Variants in XKR3 observed in about 807,000 individuals in gnomAD.
The protein encoded by XKR3 is XK-related protein 3.
Under a neutral mutation model 40.3 loss-of-function variants are expected in XKR3, and 27 were observed. That is an observed-to-expected ratio of 0.67 (90% CI 0.49 to 0.92). The LOEUF (loss-of-function observed/expected upper bound fraction) is 0.92. Ranked by LOEUF, XKR3 falls within the 40% of genes least tolerant of loss-of-function variation. The pLI, the probability that XKR3 is intolerant of heterozygous loss-of-function variation, is 0.00. For missense variants in XKR3, 472 were observed against 537.6 expected (o/e 0.88, Z 1.21); for synonymous variants, 193 against 195.4 (o/e 0.99, Z 0.10).
At chr22:16,809,191 T>C (rs1374980067) in intron 1 of XKR3, among the ~76,000 whole-genome samples, 1 of 152,178 alleles carries the variant, frequency 6.6e-6, no homozygotes, top group East Asian at 1.9e-4. Context: ...CTGCAGAATA[T>C]TAAATTCCTC....
In XKR3 at chr22:16,801,166, G is replaced by T. The variant is rs2146159780; in HGVS notation, c.336-1142C>A. ...ATTTTTAAAATAATGACTAGAAAAA[G>T]AGTTTCAAATTGTTACAATCATGAA... is the stretch of plus-strand genomic sequence containing the variant. On this transcript the variant is annotated intron_variant, in intron 2 of 3. Coordinates refer to ENST00000684488, the MANE Select transcript of XKR3 (RefSeq NM_001386955.1). 2.0e-5 allele frequency among the ~76,000 whole-genome samples: 3 copies of T among 152,208 alleles called. No homozygotes were observed. In the East Asian group the frequency reaches 5.8e-4, roughly 29 times the overall value.
rs575718125 is a variant in XKR3, at chr22:16,817,876, C to T, written c.-11+7415G>A. Among the ~76,000 whole-genome samples the T allele has an allele frequency of 3.3e-5, 5 of 152,190 alleles. No homozygotes were observed. The South Asian group carries it at 1.0e-3, about 32-fold the overall frequency. The stretch of plus-strand genomic sequence containing the variant: ...TTGATTTCAATTGAATTATTTGTTA[C>T]TTAACAAATAAAACCTATGAAAAGC... On this transcript the variant is annotated intron_variant, in intron 1 of 3. Coordinates refer to ENST00000684488, the MANE Select transcript of XKR3 (RefSeq NM_001386955.1).
chr22:16,811,709 A>G (rs73386011), intron 1 of XKR3, among the ~76,000 whole-genome samples: 9,633 of 152,136 alleles, frequency 0.063, 892 homozygotes, highest in African/African-American at 0.21. Context: ...CTTTCTTATT[A>G]AAAAAATGAT....
chr22:16,789,963 A>G (rs2060107096), intron 3 of XKR3, among the ~76,000 whole-genome samples: 1 of 152,226 alleles, frequency 6.6e-6, no homozygotes, highest in Non-Finnish European at 1.5e-5. Context: ...CTTACTACAT[A>G]CAAAAAATAA....
intron 3 of XKR3, among the ~76,000 whole-genome samples, chr22:16,797,006 G>A (rs1375539775): frequency 1.3e-5 from 2 of 152,076 alleles, no homozygotes; most frequent in African/African-American, 4.8e-5. Flanking sequence ...GGGAACCCAG[G>A]TATAAAGCCA....
In XKR3 at chr22:16,783,796, G is replaced by A. The variant is rs1433362470; in HGVS notation, c.1203C>T (p.Tyr401=). Residue 401 remains tyrosine, a synonymous_variant, in exon 4 of 4, where the codon TAC becomes TAT. Coordinates refer to ENST00000684488, the MANE Select transcript of XKR3 (RefSeq NM_001386955.1). ...GFMLLFYQYL[Y]PWQSGKVLPG... ...GCAACACTTTGCCTGACTGCCATGGGTACAAATACTGATAGAAGAGGAGCA... is the reference window on the plus strand; with the variant it reads ...GCAACACTTTGCCTGACTGCCATGGATACAAATACTGATAGAAGAGGAGCA... The A allele has an allele frequency of 6.2e-7, 1 of 1,614,130 alleles. No individual in the cohort carries two copies. Among genetic ancestry groups the A allele is most frequent in the East Asian group, 2.2e-5 (1 of 44,868 alleles).
Position 16,784,425 on chromosome 22 carries a change from A to G in XKR3, c.590-16T>C, listed in dbSNP as rs1308233738. ...ATCAGCAATGCTATTAAAGACAAAC[A>G]TGAAAATGTTAGAGAATATTTTTCA... On this transcript the variant is annotated splice_polypyrimidine_tract_variant and intron_variant, in intron 3 of 3. Transcript: ENST00000684488. The G allele has an allele frequency of 5.8e-6, 9 of 1,556,822 alleles. No homozygotes were observed. In the African/African-American group the frequency reaches 1.2e-4, roughly 21 times the overall value.
chr22:16,790,684 A>G (rs1210711425), intron 3 of XKR3, among the ~76,000 whole-genome samples: 1 of 152,170 alleles, frequency 6.6e-6, no homozygotes, highest in Non-Finnish European at 1.5e-5. Context: ...AAACCTGCAT[A>G]TGTAGCCCTA....
chr22:16,821,279 C>CT (rs758953866), intron 1 of XKR3, among the ~76,000 whole-genome samples: 3 of 151,966 alleles, frequency 2.0e-5, no homozygotes, highest in Admixed American at 6.6e-5. Context: ...CTAGAAAGCT[C>CT]TATTATGACA....
intron 1 of XKR3, among the ~76,000 whole-genome samples, chr22:16,820,364 T>C (rs914989033): frequency 3.3e-5 from 5 of 152,144 alleles, no homozygotes; most frequent in Non-Finnish European, 5.9e-5. Flanking sequence ...TTAAACTGAG[T>C]GAGGAGTCTT....
chr22:16,801,299 T>A (rs1177267153), intron 2 of XKR3, among the ~76,000 whole-genome samples: 1 of 151,284 alleles, frequency 6.6e-6, no homozygotes, highest in Non-Finnish European at 1.5e-5. Flanking sequence ...ATCCAGCACT[T>A]TGGGAGGTCA....
At chr22:16,815,795 A>G (rs2060230838) in intron 1 of XKR3, among the ~76,000 whole-genome samples, 1 of 151,968 alleles carries the variant, frequency 6.6e-6, no homozygotes, top group Non-Finnish European at 1.5e-5. Context: ...GTGATTTGTC[A>G]ATATAAATAA....
intron 1 of XKR3, among the ~76,000 whole-genome samples, chr22:16,820,181 T>C (rs2060249823): frequency 6.6e-6 from 1 of 152,076 alleles, no homozygotes; most frequent in Non-Finnish European, 1.5e-5. Flanking sequence ...AAAATAAAAC[T>C]TACGCAAAAA....
intron 1 of XKR3, among the ~76,000 whole-genome samples, chr22:16,810,369 A>T (rs2060207665): frequency 6.6e-6 from 1 of 152,180 alleles, no homozygotes; most frequent in East Asian, 1.9e-4. Flanking sequence ...GTCATCCTTA[A>T]TGCTTTTCTT....
intron 1 of XKR3, among the ~76,000 whole-genome samples, chr22:16,810,934 C>A (rs1318974845): frequency 6.6e-6 from 1 of 152,144 alleles, no homozygotes; most frequent in African/African-American, 2.4e-5. Context: ...CCTGCATATA[C>A]ATGAACCCAC....
At chr22:16,823,861 T>C (rs1220750395) in intron 1 of XKR3, among the ~76,000 whole-genome samples, 1 of 152,000 alleles carries the variant, frequency 6.6e-6, no homozygotes, top group African/African-American at 2.4e-5. Context: ...AAGTAGAACA[T>C]TAGAAATGAG....
chr22:16,806,289 C>A, intron 2 of XKR3, among the ~76,000 whole-genome samples: 1 of 85,152 alleles, frequency 1.2e-5, no homozygotes. Flanking sequence ...GTCAATTAAT[C>A]AATACTTTCT....
At chr22:16,818,933 AC>A (rs2060244835) in intron 1 of XKR3, among the ~76,000 whole-genome samples, 1 of 151,884 alleles carries the variant, frequency 6.6e-6, no homozygotes, top group Non-Finnish European at 1.5e-5. Flanking sequence ...CCACCACCCA[AC>A]CCCCTATCCT....
At chr22:16,794,265 T>A (rs2060131893) in intron 3 of XKR3, among the ~76,000 whole-genome samples, 1 of 151,836 alleles carries the variant, frequency 6.6e-6, no homozygotes, top group Non-Finnish European at 1.5e-5. Context: ...TTCACCAAGG[T>A]CACTGCAAAA....
Sources: allele counts gnomAD v4.1 joint callset (sites outside exome capture counted in the v4.1 genomes callset), GRCh38; gene constraint gnomAD v4.1.1; transcripts MANE v1.5; gene names NCBI Gene and HGNC (gene_info 2026-07-23, HGNC 2026-07-21).